Variants in SLC9A9 observed in about 807,000 individuals in gnomAD.
SLC9A9 encodes the protein sodium/hydrogen exchanger 9.
SLC9A9 carries 62 observed loss-of-function variants against 77.8 expected under a neutral mutation model. The ratio of observed to expected loss-of-function variants is 0.80; its 90% CI spans 0.65 to 0.98. The LOEUF is 0.98. Among genes scored for constraint, SLC9A9 ranks in the 50% least tolerant of loss-of-function variants. SLC9A9 has a pLI of 0.00. For missense variants in SLC9A9, 775 were observed against 774.9 expected, an observed-to-expected ratio of 1.00 and a Z score of 0.00; for synonymous variants, 320 against 283.5, an observed-to-expected ratio of 1.13 and a Z score of -1.29.
At chr3:143,606,642 A>T (rs1293172254) in intron 6 of SLC9A9, among the ~76,000 whole-genome samples, 1 of 151,514 alleles carries the variant, frequency 6.6e-6, no homozygotes, top group Non-Finnish European at 1.5e-5. Context: ...ACTCTAGACA[A>T]TTTGAAAAAG....
At chr3:143,824,322 A>G (rs571055546) in intron 2 of SLC9A9, among the ~76,000 whole-genome samples, 1 of 152,148 alleles carries the variant, frequency 6.6e-6, no homozygotes, top group Non-Finnish European at 1.5e-5. Context: ...AAAAACAAAA[A>G]ACTGCCTTCC....
Position 143,306,492 on chromosome 3 carries a change from T to C in SLC9A9, c.1605-37512A>G, listed in dbSNP as rs142269901. ...CTGTGCCTGGCATGTAGTAAGCACT[T>C]GAGTTTATTCTTATATCTTTAAAAA... On this transcript the variant is annotated intron_variant, in intron 14 of 15. Coordinates refer to ENST00000316549, the MANE Select transcript of SLC9A9 (RefSeq NM_173653.4). Among the ~76,000 whole-genome samples, 580 of 152,346 alleles carry C rather than the reference T, an allele frequency of 3.8e-3. 1 individual carries two copies. Among genetic ancestry groups the C allele is most frequent in the African/African-American group, 0.013 (561 of 41,584 alleles).
chr3:143,525,082 T>C (rs1035102582), intron 9 of SLC9A9, among the ~76,000 whole-genome samples: 2 of 152,190 alleles, frequency 1.3e-5, no homozygotes, highest in African/African-American at 4.8e-5. Context: ...ACAAAACATA[T>C]TGAATGCTAT....
chr3:143,775,287 A>G (rs1321448960), intron 4 of SLC9A9, among the ~76,000 whole-genome samples: 1 of 152,206 alleles, frequency 6.6e-6, no homozygotes, highest in Non-Finnish European at 1.5e-5. Context: ...CTTAGTAGGT[A>G]TTCAGTAATT....
chr3:143,325,528 A>G (rs2031566503), intron 14 of SLC9A9, among the ~76,000 whole-genome samples: 1 of 152,192 alleles, frequency 6.6e-6, no homozygotes. Context: ...CATGCTTCCA[A>G]GGCCATGGCA....
intron 6 of SLC9A9, among the ~76,000 whole-genome samples, chr3:143,641,277 T>C (rs2038616711): frequency 2.0e-5 from 3 of 152,118 alleles, no homozygotes; most frequent in Admixed American, 2.0e-4. Context: ...AAATAGGTAT[T>C]TTTTGCACAG....
chr3:143,845,514 A>C (rs1031560408), intron 1 of SLC9A9, among the ~76,000 whole-genome samples: 1 of 152,196 alleles, frequency 6.6e-6, no homozygotes, highest in Admixed American at 6.5e-5. Flanking sequence ...ACTTTCAGAA[A>C]ACACAGGGAG....
intron 4 of SLC9A9, among the ~76,000 whole-genome samples, chr3:143,696,528 G>A (rs145545169): frequency 3.3e-5 from 5 of 152,148 alleles, no homozygotes; most frequent in Non-Finnish European, 5.9e-5. Flanking sequence ...GACAGTCATG[G>A]CATTAGCAGA....
At chr3:143,549,188 C>T (rs1043287650) in intron 9 of SLC9A9, among the ~76,000 whole-genome samples, 29 of 152,216 alleles carry the variant, frequency 1.9e-4, no homozygotes, top group African/African-American at 5.8e-4. Context: ...TTCTCTACAA[C>T]TTGTAATTCG....
At chr3:143,408,332 T>G (rs1452543052) in intron 12 of SLC9A9, among the ~76,000 whole-genome samples, 1 of 152,198 alleles carries the variant, frequency 6.6e-6, no homozygotes, top group Non-Finnish European at 1.5e-5. Flanking sequence ...ATATTGGGGC[T>G]CTGAAGCCAA....
intron 11 of SLC9A9, among the ~76,000 whole-genome samples, chr3:143,472,310 G>T (rs1193455549): frequency 2.6e-5 from 4 of 152,198 alleles, no homozygotes; most frequent in Non-Finnish European, 4.4e-5. Flanking sequence ...TGAGGAAAAA[G>T]ATTGCTATAC....
chr3:143,664,399 T>G (rs1296974053), intron 5 of SLC9A9, among the ~76,000 whole-genome samples: 1 of 152,152 alleles, frequency 6.6e-6, no homozygotes, highest in Non-Finnish European at 1.5e-5. Context: ...AGACCATCGA[T>G]GCTAGGAAGA....
chr3:143,521,863 A>T (rs1042063008), intron 9 of SLC9A9, among the ~76,000 whole-genome samples: 1 of 152,132 alleles, frequency 6.6e-6, no homozygotes, highest in African/African-American at 2.4e-5. Flanking sequence ...ATTATATTAT[A>T]TAAAAATCTT....
chr3:143,778,565 G>A (rs1323054691), intron 4 of SLC9A9, among the ~76,000 whole-genome samples: 4 of 151,564 alleles, frequency 2.6e-5, no homozygotes, highest in Non-Finnish European at 4.4e-5. Context: ...TAGAAGGCAA[G>A]GAGGAAGAAA....
chr3:143,674,593 A>C (rs1220146837), intron 5 of SLC9A9, among the ~76,000 whole-genome samples: 1 of 152,080 alleles, frequency 6.6e-6, no homozygotes, highest in Admixed American at 6.5e-5. Flanking sequence ...AGGAAAGCTT[A>C]TTTGGGCAAG....
intron 4 of SLC9A9, among the ~76,000 whole-genome samples, chr3:143,704,580 T>C (rs1175878248): frequency 3.3e-5 from 5 of 152,150 alleles, no homozygotes; most frequent in Non-Finnish European, 5.9e-5. Flanking sequence ...TAGGAATATA[T>C]ACAAATGAAA....
At chr3:143,281,919 G>A (rs575423331) in intron 14 of SLC9A9, among the ~76,000 whole-genome samples, 4 of 152,204 alleles carry the variant, frequency 2.6e-5, no homozygotes, top group South Asian at 2.1e-4. Context: ...TCCCCACACC[G>A]TTTCACAAAC....
At chr3:143,718,633 G>T (rs901411299) in intron 4 of SLC9A9, among the ~76,000 whole-genome samples, 2 of 152,146 alleles carry the variant, frequency 1.3e-5, no homozygotes, top group Non-Finnish European at 2.9e-5. Flanking sequence ...GAACAGGCAG[G>T]TTCTGCTATT....
chr3:143,430,565 G>A (rs538823058), intron 12 of SLC9A9, among the ~76,000 whole-genome samples: 1 of 152,336 alleles, frequency 6.6e-6, no homozygotes, highest in South Asian at 2.1e-4. Context: ...GGCAGTGATA[G>A]CCATAGTGGA....
Sources: gnomAD v4.1 joint callset for allele counts (sites outside exome capture counted in the v4.1 genomes callset) on GRCh38, gnomAD v4.1.1 for gene constraint, MANE v1.5 for transcripts, NCBI Gene and HGNC (gene_info 2026-07-23, HGNC 2026-07-21) for gene names.